The following GRIA4 variants were observed in gnomAD, a reference collection of about 807,000 sequenced individuals.
GRIA4 encodes glutamate receptor 4.
Under a neutral mutation model 104.0 loss-of-function variants are expected in GRIA4, and 34 were observed. That is an observed-to-expected ratio of 0.33 (90% CI 0.25 to 0.44). GRIA4 has a LOEUF of 0.44. GRIA4 is among the 20% of genes least tolerant of loss of function. The pLI is 1.00. For missense variants in GRIA4, 750 were observed against 1,096.5 expected (o/e 0.68, Z 4.46); for synonymous variants, 386 against 381.9 (o/e 1.01, Z -0.13).
intron 6 of GRIA4, among the ~76,000 whole-genome samples, chr11:105,888,840 T>C (rs892503840): frequency 1.3e-5 from 2 of 152,196 alleles, no homozygotes; most frequent in Non-Finnish European, 2.9e-5. Context: ...ATCTTGCGAC[T>C]TAATGGATTA....
At chr11:105,774,134 GATAA>G (rs1214928844) in intron 4 of GRIA4, among the ~76,000 whole-genome samples, 7 of 151,090 alleles carry the variant, frequency 4.6e-5, no homozygotes, top group African/African-American at 1.4e-4. Context: ...CTAGTATAGT[GATAA>G]ATAAATATAT....
At chr11:105,735,150 A>C (rs1441583138) in intron 3 of GRIA4, among the ~76,000 whole-genome samples, 1 of 152,150 alleles carries the variant, frequency 6.6e-6, no homozygotes, top group Non-Finnish European at 1.5e-5. Context: ...ATGAAATATT[A>C]TTCAAAAAAT....
intron 4 of GRIA4, among the ~76,000 whole-genome samples, chr11:105,790,150 C>T (rs979990611): frequency 5.9e-5 from 9 of 152,118 alleles, no homozygotes; most frequent in Admixed American, 3.3e-4. Flanking sequence ...TCTTTCCTTC[C>T]ACCTGCATTG....
intron 14 of GRIA4, among the ~76,000 whole-genome samples, chr11:105,961,965 C>T (rs1176520540): frequency 2.0e-5 from 3 of 152,184 alleles, no homozygotes; most frequent in Non-Finnish European, 4.4e-5. Flanking sequence ...CTACAAACTA[C>T]ATATGTCCTG....
chr11:105,786,144 C>CAAAAAAAAAAAAAAAAAAAA (rs34888562), intron 4 of GRIA4, among the ~76,000 whole-genome samples: 1 of 89,300 alleles, frequency 1.1e-5, no homozygotes, highest in Non-Finnish European at 2.1e-5. Context: ...GACCCTTTCT[C>CAAAAAAAAAAAAAAAAAAAA]AAAAAAAAAA....
At chr11:105,845,610 C>T (rs566621237) in intron 4 of GRIA4, among the ~76,000 whole-genome samples, 5 of 152,276 alleles carry the variant, frequency 3.3e-5, no homozygotes, top group South Asian at 4.1e-4. Flanking sequence ...AGGCCGGGCA[C>T]GGTGGCTCAC....
At chr11:105,827,114 G>A (rs1285153344) in intron 4 of GRIA4, among the ~76,000 whole-genome samples, 11 of 151,914 alleles carry the variant, frequency 7.2e-5, no homozygotes, top group African/African-American at 2.4e-4. Flanking sequence ...AACTGTGATG[G>A]ATCTCAGACT....
intron 3 of GRIA4, among the ~76,000 whole-genome samples, chr11:105,660,212 A>G (rs113241720): frequency 1.3e-5 from 2 of 151,894 alleles, no homozygotes; most frequent in Non-Finnish European, 3.0e-5. Context: ...CCAGATGGAA[A>G]TATCCACTAG....
chr11:105,980,754 T>C lies in GRIA4; in HGVS notation c.*1015T>C, dbSNP rs892714420. The C allele has an allele frequency of 1.3e-5, 2 of 152,642 alleles. No individual in the cohort carries two copies. Among genetic ancestry groups the C allele is most frequent in the African/African-American group, 4.8e-5 (2 of 41,440 alleles). The allele number at this position is 152,642 out of a possible 1,614,324, so 9.5% of individuals were successfully genotyped here. A position where few individuals can be genotyped will look rare whatever the true frequency, so the allele number is the denominator to read the frequency against. On this transcript the variant is annotated 3_prime_UTR_variant, in exon 17 of 17. Transcript: ENST00000282499. Reference sequence around the variant, plus strand: ...TTTTTTCTTATCGTTATAAAAGTTATTTGAGAAATTATAAGACTATAAGAG... The same window carrying C: ...TTTTTTCTTATCGTTATAAAAGTTACTTGAGAAATTATAAGACTATAAGAG...
At chr11:105,660,256 A>T (rs1327997729) in intron 3 of GRIA4, among the ~76,000 whole-genome samples, 3 of 151,804 alleles carry the variant, frequency 2.0e-5, no homozygotes, top group Non-Finnish European at 1.5e-5. Context: ...ATTAGAAATC[A>T]ATTAGAACCC....
rs181499856 is a variant in GRIA4, at chr11:105,858,778, G to T, written c.488-3246G>T. On this transcript the variant is annotated intron_variant, in intron 4 of 16. Transcript: ENST00000282499. Reference sequence around the variant, plus strand: ...ATGGGAAACTTGTCTTTCTGTGCCTGGCTTATTTCAGTTAACAAAATGTCA... The same window carrying T: ...ATGGGAAACTTGTCTTTCTGTGCCTTGCTTATTTCAGTTAACAAAATGTCA... Among the ~76,000 whole-genome samples the T allele has an allele frequency of 9.5e-4, 144 of 151,990 alleles. 1 individual carries two copies. Among genetic ancestry groups the T allele is most frequent in the African/African-American group, 3.3e-3 (136 of 41,468 alleles).
chr11:105,760,523 T>C (rs1025651729), intron 4 of GRIA4, among the ~76,000 whole-genome samples: 4 of 152,190 alleles, frequency 2.6e-5, no homozygotes, highest in African/African-American at 9.7e-5. Flanking sequence ...CTTGACAATT[T>C]TGTAGCAAGG....
intron 3 of GRIA4, among the ~76,000 whole-genome samples, chr11:105,615,174 A>C (rs2135251129): frequency 6.6e-6 from 1 of 151,994 alleles, no homozygotes; most frequent in South Asian, 2.1e-4. Context: ...ATTTTGTGGA[A>C]TGTATACTCA....
intron 3 of GRIA4, among the ~76,000 whole-genome samples, chr11:105,729,007 G>A (rs1383232783): frequency 6.6e-6 from 1 of 152,110 alleles, no homozygotes; most frequent in Non-Finnish European, 1.5e-5. Context: ...TAAGATCAGA[G>A]CTGAACCTTA....
At chr11:105,722,071 A>T (rs1268878304) in intron 3 of GRIA4, among the ~76,000 whole-genome samples, 1 of 152,164 alleles carries the variant, frequency 6.6e-6, no homozygotes, top group African/African-American at 2.4e-5. Flanking sequence ...CCTAATTTGA[A>T]ATCATGTTTT....
chr11:105,758,167 C>T (rs1253096921), intron 4 of GRIA4, among the ~76,000 whole-genome samples: 1 of 152,042 alleles, frequency 6.6e-6, no homozygotes, highest in Non-Finnish European at 1.5e-5. Context: ...ATCTCTTAGC[C>T]CAGGAATTCA....
At chr11:105,930,312 A>G (rs1947836503) in intron 13 of GRIA4, among the ~76,000 whole-genome samples, 1 of 152,096 alleles carries the variant, frequency 6.6e-6, no homozygotes, top group Non-Finnish European at 1.5e-5. Flanking sequence ...CAGATTTTCT[A>G]AAGATTAGCA....
intron 6 of GRIA4, among the ~76,000 whole-genome samples, chr11:105,888,585 C>A (rs868586194): frequency 6.6e-6 from 1 of 152,164 alleles, no homozygotes; most frequent in East Asian, 1.9e-4. Context: ...CACGCCCGGC[C>A]TCCTTTTTCT....
intron 3 of GRIA4, among the ~76,000 whole-genome samples, chr11:105,710,699 C>G (rs2135547723): frequency 6.6e-6 from 1 of 152,082 alleles, no homozygotes; most frequent in East Asian, 1.9e-4. Flanking sequence ...GTCTGTGAAC[C>G]CTAACAATAG....
Sources: gnomAD v4.1 joint callset for allele counts (sites outside exome capture counted in the v4.1 genomes callset) on GRCh38, gnomAD v4.1.1 for gene constraint, MANE v1.5 for transcripts, NCBI Gene and HGNC (gene_info 2026-07-23, HGNC 2026-07-21) for gene names.